PUM1: variants seen among roughly 807,000 people sequenced by gnomAD.
The protein encoded by PUM1 is pumilio RNA binding family member 1, also known as pumilio homolog 1.
In PUM1, 13 loss-of-function variants were observed where a neutral mutation model predicts 131.8. That is an observed-to-expected ratio of 0.10 (90% confidence interval 0.06 to 0.16). PUM1 has a LOEUF of 0.16. Ranked by LOEUF, PUM1 falls within the 10% of genes least tolerant of loss-of-function variation. The pLI is 1.00. For missense variants in PUM1, 961 were observed against 1,512.4 expected, an observed-to-expected ratio of 0.64 and a Z score of 6.05; for synonymous variants, 509 against 556.5, an observed-to-expected ratio of 0.91 and a Z score of 1.20.
At chr1:30,937,675 T>C (rs1213183085) in intron 20 of PUM1, among the ~76,000 whole-genome samples, 1 of 151,956 alleles carries the variant, frequency 6.6e-6, no homozygotes, top group Non-Finnish European at 1.5e-5. Context: ...GCTTTAATAG[T>C]GGATTAGAGA....
At chr1:30,941,060 A>G in intron 20 of PUM1, 91 bp downstream of exon 20, 2 of 1,386,878 alleles carry the variant, frequency 1.4e-6, no homozygotes, top group Non-Finnish European at 9.7e-7. Flanking sequence ...AACAACAACA[A>G]CAACAACAAC....
At position 30,966,041 on chromosome 1, in the gene PUM1, C is replaced by T; in HGVS notation, c.2027G>A (p.Gly676Glu). The change falls in exon 13 of 22, where the codon GGA (glycine) becomes GAA (glutamate). Residue 676 changes from glycine to glutamate, a missense_variant. Physicochemically the swap from Gly to Glu is moderately conservative, Grantham distance 98. This residue lies in a region of PUM1 where 654 missense variants were observed against 923.9 expected (regional missense o/e 0.71). Coordinates refer to ENST00000426105, the MANE Select transcript of PUM1 (RefSeq NM_001020658.2). Reference protein sequence around the residue: ...AQPANTSLGFGSSSSLGATLG... With the variant: ...AQPANTSLGFESSSSLGATLG... ...GGTGGCGCCGAGAGAACTGCTACTT[C>T]CGAATCCCAAGGATGTGTTGGCAGG... The T allele has an allele frequency of 6.2e-7, 1 of 1,614,178 alleles. No individual in the cohort carries two copies. Among genetic ancestry groups the T allele is most frequent in the African/African-American group, 1.3e-5 (1 of 75,040 alleles).
intron 3 of PUM1, among the ~76,000 whole-genome samples, chr1:31,008,780 G>A (rs1312179361): frequency 6.6e-6 from 1 of 152,048 alleles, no homozygotes; most frequent in African/African-American, 2.4e-5. Flanking sequence ...GGTCAAACCA[G>A]GTCACAGAGG....
chr1:30,936,791 C>T lies in PUM1; in HGVS notation c.3287G>A (p.Arg1096His). The change falls in exon 21 of 22, where the codon CGC (arginine) becomes CAC (histidine). Residue 1096 changes from arginine (R) to histidine (H), a missense_variant. Coordinates refer to ENST00000426105, the MANE Select transcript of PUM1 (RefSeq NM_001020658.2). ...GCACACCTCATCGATGAGCACAGCG[C>T]GCTCCGTACGTGAGGCGTGAGTAAC... The part of the protein sequence containing the change: ...KCVTHASRTE[R>H]AVLIDEVCTM... 6.2e-7 allele frequency: 1 copy of T among 1,613,802 alleles called. No individual in the cohort carries two copies. Among genetic ancestry groups the T allele is most frequent in the Non-Finnish European group, 8.5e-7 (1 of 1,179,722 alleles).
Position 31,006,035 on chromosome 1 carries a change from C to CA in PUM1, c.542-5dup. 1.3e-6 allele frequency: 2 copies of CA among 1,593,486 alleles called. No homozygotes were observed. The highest frequency in any genetic ancestry group is 8.5e-7 in the Non-Finnish European group (1 of 1,171,434). On this transcript the variant is annotated splice_polypyrimidine_tract_variant and splice_region_variant and intron_variant, in intron 4 of 21. Transcript: ENST00000426105. ...ATTGGCTGGGAAACTGAATGATCTA[C>CA]AAAAAAGATACACAAGCATGATACA...
chr1:31,004,103 TTCTTTTGTAAAAGAGGTAAA>T (rs1345233902), intron 5 of PUM1, among the ~76,000 whole-genome samples: 1 of 152,242 alleles, frequency 6.6e-6, no homozygotes, highest in Non-Finnish European at 1.5e-5. Context: ...TCTGTCACGA[TTCTTTTGTAAAAGAGGTAAA>T]TCACCAGTCT....
In PUM1 at chr1:30,992,331, C is replaced by T. The variant is rs566270415; in HGVS notation, c.1158+59G>A. 10,907 of 1,571,542 alleles carry T rather than the reference C, an allele frequency of 6.9e-3. 51 individuals are homozygous for T. The highest frequency in any genetic ancestry group is 8.2e-3 in the Non-Finnish European group (9,555 of 1,158,742). ...TCCCCCATCCCCCCATTCTTAATTA[C>T]TTGAACAACGTGCTGGCTGGAGGGA... On this transcript the variant is annotated intron_variant, in intron 7 of 21. Coordinates refer to ENST00000426105, the MANE Select transcript of PUM1 (RefSeq NM_001020658.2).
chr1:31,042,307 AAAAT>A (rs202126375), intron 2 of PUM1, among the ~76,000 whole-genome samples: 69 of 137,800 alleles, frequency 5.0e-4, no homozygotes, highest in Non-Finnish European at 6.5e-4. Context: ...CTCTGTATCA[AAAAT>A]AAATAAATAA....
intron 1 of PUM1, among the ~76,000 whole-genome samples, chr1:31,060,897 A>T (rs943961308): frequency 4.6e-5 from 7 of 151,634 alleles, no homozygotes; most frequent in East Asian, 3.9e-4. Context: ...GTAAAAAAAA[A>T]AAAAATAATA....
In PUM1 at chr1:31,065,671, G is replaced by T. The variant is rs572993970; in HGVS notation, c.-67C>A. On this transcript the variant is annotated 5_prime_UTR_variant, in exon 1 of 22. Transcript: ENST00000426105. Reference sequence around the variant, plus strand: ...AGCCCCCCGATCTTCTCTCTCTGGCGCTCTCGCTCCCCCTTACCTTTCACT... The same window carrying T: ...AGCCCCCCGATCTTCTCTCTCTGGCTCTCTCGCTCCCCCTTACCTTTCACT... 1,439 of 1,549,666 alleles carry T rather than the reference G, an allele frequency of 9.3e-4. 2 individuals are homozygous for T. Among genetic ancestry groups the T allele is most frequent in the South Asian group, 1.4e-3 (116 of 84,058 alleles).
chr1:31,019,933 G>A (rs1194937228), intron 3 of PUM1, among the ~76,000 whole-genome samples: 1 of 151,818 alleles, frequency 6.6e-6, no homozygotes, highest in Non-Finnish European at 1.5e-5. Context: ...GATTCAGAGA[G>A]CAAATGTGCA....
intron 1 of PUM1, chr1:31,061,535 G>A (rs950157164): frequency 3.9e-5 from 6 of 151,988 alleles, no homozygotes; most frequent in African/African-American, 9.7e-5. Context: ...AGAATCACTT[G>A]AACCAGGGAG....
At chr1:30,933,477 CACACACA>C (rs1639055572) in intron 21 of PUM1, 135 bp from the exon 22 acceptor site, 5 of 856,368 alleles carry the variant, frequency 5.8e-6, no homozygotes, top group East Asian at 5.9e-5. Flanking sequence ...CACACACACA[CACACACA>C]CCCCTACAGC....
chr1:30,986,470 G>C (rs1296860879), intron 7 of PUM1, among the ~76,000 whole-genome samples: 2 of 151,944 alleles, frequency 1.3e-5, no homozygotes, highest in East Asian at 3.9e-4. Flanking sequence ...TTTATACCAG[G>C]TTATTTGAAC....
intron 6 of PUM1, among the ~76,000 whole-genome samples, chr1:30,994,639 C>G (rs889361535): frequency 1.3e-5 from 2 of 152,174 alleles, no homozygotes; most frequent in African/African-American, 4.8e-5. Context: ...CACAAGTTCT[C>G]AACTGTTTTT....
At chr1:31,028,749 C>T (rs1643309864) in intron 3 of PUM1, 47 bp downstream of exon 3, 17 of 1,445,170 alleles carry the variant, frequency 1.2e-5, no homozygotes, top group African/African-American at 1.4e-5. Context: ...CAACTCCAAC[C>T]TTCCCTTAAA....
At chr1:30,959,963 C>CA (rs1344901296) in intron 14 of PUM1, among the ~76,000 whole-genome samples, 2 of 150,204 alleles carry the variant, frequency 1.3e-5, no homozygotes, top group African/African-American at 4.9e-5. Context: ...CCATTTGCAA[C>CA]AAAAACTCTC....
chr1:30,964,626 G>T, intron 14 of PUM1, 48 bp downstream of exon 14: 1 of 1,487,488 alleles, frequency 6.7e-7, no homozygotes, highest in South Asian at 1.1e-5. Flanking sequence ...GTCATCGGTG[G>T]CAAGAGAGTT....
At chr1:31,017,399 GAAGGGGACAGAATTTAGAGCAAGCTT>G (rs1375723526) in intron 3 of PUM1, among the ~76,000 whole-genome samples, 2 of 152,204 alleles carry the variant, frequency 1.3e-5, no homozygotes, top group African/African-American at 4.8e-5. Context: ...GTATCTTAAA[GAAGGGGACAGAATTTAGAGCAAGCTT>G]GTCCAACCCG....
Sources: gnomAD v4.1 joint callset for allele counts (sites outside exome capture counted in the v4.1 genomes callset) on GRCh38, gnomAD v4.1.1 for gene constraint, gnomAD v4.1.1 regional missense constraint, MANE v1.5 for transcripts, NCBI Gene and HGNC (gene_info 2026-07-23, HGNC 2026-07-21) for gene names.